Variants in NFYC observed in about 807,000 individuals in gnomAD.
The protein encoded by NFYC is CAAT box DNA-binding protein subunit C.
NFYC carries 25 observed loss-of-function variants against 53.1 expected under a neutral mutation model. The observed-to-expected ratio is 0.47, with a 90% CI of 0.34 to 0.66. The LOEUF is 0.66. Ranked by LOEUF, NFYC falls within the 30% of genes least tolerant of loss-of-function variation. The probability of loss-of-function intolerance (pLI) is 0.01; values close to 1 mark genes in which losing one functional copy is unlikely to be tolerated. For synonymous variants in NFYC, 145 were observed against 152.6 expected (o/e 0.95, Z 0.37); for missense variants, 260 against 422.7 (o/e 0.62, Z 3.38).
chr1:40,700,847 C>A (rs12756496), intron 1 of NFYC, among the ~76,000 whole-genome samples: 8 of 152,108 alleles, frequency 5.3e-5, no homozygotes, highest in African/African-American at 1.4e-4. Flanking sequence ...CACCAGATAA[C>A]TTTAGCATCC....
At chr1:40,713,574 T>C (rs1644015437) in intron 1 of NFYC, among the ~76,000 whole-genome samples, 1 of 152,238 alleles carries the variant, frequency 6.6e-6, no homozygotes, top group Non-Finnish European at 1.5e-5. Flanking sequence ...TGATAATATA[T>C]GCATACAGAG....
chr1:40,739,676 C>T (rs1163555731), intron 2 of NFYC, among the ~76,000 whole-genome samples: 6 of 152,182 alleles, frequency 3.9e-5, no homozygotes, highest in Admixed American at 2.0e-4. Context: ...CTAGTAATTA[C>T]AACCAGAATA....
rs991562524 is a variant in NFYC, at chr1:40,749,750, G to T, written c.291+64G>T. 3.2e-5 allele frequency: 42 copies of T among 1,316,924 alleles called. 1 individual carries two copies. In the South Asian group the frequency reaches 4.9e-4, roughly 16 times the overall value. The allele number at this position is 1,316,924 out of a possible 1,614,324, so 81.6% of individuals were successfully genotyped here. A position where few individuals can be genotyped will look rare whatever the true frequency, so the allele number is the denominator to read the frequency against. Reference sequence around the variant, plus strand: ...CAGCAGCCTTTGCCTGTTTTCCTGCGTGGTGTTGGAGAAAGATTGTTCTCC... The same window carrying T: ...CAGCAGCCTTTGCCTGTTTTCCTGCTTGGTGTTGGAGAAAGATTGTTCTCC... On this transcript the variant is annotated intron_variant, in intron 4 of 9. Transcript: ENST00000447388.
intron 7 of NFYC, among the ~76,000 whole-genome samples, chr1:40,765,396 A>G (rs1646761319): frequency 6.6e-6 from 1 of 152,188 alleles, no homozygotes. Flanking sequence ...GGTAGTTCAA[A>G]TTCTGTGAGG....
At chr1:40,761,655 G>T (rs16827569) in intron 6 of NFYC, among the ~76,000 whole-genome samples, 32,589 of 152,044 alleles carry the variant, frequency 0.21, 4,118 homozygotes, top group South Asian at 0.41. Flanking sequence ...TAATTTCTCC[G>T]TAGTAATCCC....
At chr1:40,707,722 C>T (rs1643772223) in intron 1 of NFYC, among the ~76,000 whole-genome samples, 1 of 151,258 alleles carries the variant, frequency 6.6e-6, no homozygotes, top group African/African-American at 2.4e-5. Context: ...ACCTGTAGTC[C>T]TAGCTACTCA....
intron 2 of NFYC, among the ~76,000 whole-genome samples, chr1:40,741,687 C>A (rs956808013): frequency 1.3e-5 from 2 of 150,570 alleles, no homozygotes; most frequent in Non-Finnish European, 3.0e-5. Context: ...ACTGCAGCCT[C>A]GACCTCTCAG....
At chr1:40,752,306 A>G (rs544607797) in intron 4 of NFYC, among the ~76,000 whole-genome samples, 2 of 152,236 alleles carry the variant, frequency 1.3e-5, no homozygotes, top group Non-Finnish European at 2.9e-5. Context: ...TAACATGCAT[A>G]TCATTCACTA....
chr1:40,700,692 C>G (rs1643390868), intron 1 of NFYC, among the ~76,000 whole-genome samples: 1 of 152,104 alleles, frequency 6.6e-6, no homozygotes, highest in African/African-American at 2.4e-5. Flanking sequence ...AGGTTCAAGG[C>G]TGGTCTTGAA....
chr1:40,743,477 G>A (rs923295262), intron 2 of NFYC, among the ~76,000 whole-genome samples: 2 of 152,212 alleles, frequency 1.3e-5, no homozygotes, highest in Non-Finnish European at 2.9e-5. Context: ...TTGGGGGCAG[G>A]TGGGCAACAA....
At chr1:40,766,568 G>T (rs1235265100) in intron 7 of NFYC, 28 bp from the exon 8 acceptor site, 2 of 1,541,790 alleles carry the variant, frequency 1.3e-6, no homozygotes, top group Non-Finnish European at 1.8e-6. Flanking sequence ...AATGTCTTAT[G>T]GTCTCTTTGT....
At chr1:40,737,897 CTCTCT>C (rs946134186) in intron 1 of NFYC, among the ~76,000 whole-genome samples, 6 of 131,298 alleles carry the variant, frequency 4.6e-5, no homozygotes, top group Non-Finnish European at 9.5e-5. Context: ...AGCGTGCTCT[CTCTCT>C]TTTTTTTTTT....
At chr1:40,736,097 T>A (rs906534048) in intron 1 of NFYC, among the ~76,000 whole-genome samples, 2 of 152,192 alleles carry the variant, frequency 1.3e-5, no homozygotes, top group Non-Finnish European at 2.9e-5. Flanking sequence ...AAGATCATAT[T>A]GTATCCCAGG....
At chr1:40,737,899 CTCTT>C (rs71577631) in intron 1 of NFYC, among the ~76,000 whole-genome samples, 178 of 129,224 alleles carry the variant, frequency 1.4e-3, no homozygotes, top group African/African-American at 5.1e-3. Flanking sequence ...CGTGCTCTCT[CTCTT>C]TTTTTTTTTT....
intron 6 of NFYC, among the ~76,000 whole-genome samples, chr1:40,760,575 C>T (rs1179276195): frequency 1.3e-5 from 2 of 151,942 alleles, no homozygotes; most frequent in Non-Finnish European, 1.5e-5. Flanking sequence ...AAAAATTAGC[C>T]GGGCGTGGTG....
At chr1:40,691,963 C>T (rs1570243253) in intron 1 of NFYC, 96 bp downstream of exon 1, 1 of 312,212 alleles carries the variant, frequency 3.2e-6, no homozygotes, top group South Asian at 2.3e-5. Flanking sequence ...GACCTCACTT[C>T]CTCGCGCGGC....
chr1:40,740,409 TAATGA>T (rs140790695), intron 2 of NFYC, among the ~76,000 whole-genome samples: 99,499 of 151,376 alleles, frequency 0.66, 32,914 homozygotes, highest in African/African-American at 0.71. Context: ...AACAAGTAAT[TAATGA>T]AATGAAATAA....
intron 1 of NFYC, among the ~76,000 whole-genome samples, chr1:40,700,526 A>T (rs1261383890): frequency 6.6e-6 from 1 of 151,876 alleles, no homozygotes; most frequent in African/African-American, 2.4e-5. Flanking sequence ...TTTTATTGTT[A>T]GTAGTGAGGA....
At chr1:40,703,759 A>G (rs1234483278) in intron 1 of NFYC, among the ~76,000 whole-genome samples, 2 of 152,204 alleles carry the variant, frequency 1.3e-5, no homozygotes, top group Admixed American at 6.5e-5. Flanking sequence ...AAAAATAGTT[A>G]TGTGTACCTG....
Sources: gnomAD v4.1 joint callset for allele counts (sites outside exome capture counted in the v4.1 genomes callset) on GRCh38, gnomAD v4.1.1 for gene constraint, MANE v1.5 for transcripts, NCBI Gene and HGNC (gene_info 2026-07-23, HGNC 2026-07-21) for gene names.